The following MAPT variants were observed in gnomAD, a reference collection of about 807,000 sequenced individuals.
The protein encoded by MAPT is microtubule associated protein tau.
MAPT carries 34 observed loss-of-function variants against 67.9 expected under a neutral mutation model. The ratio of observed to expected loss-of-function variants is 0.50; its 90% CI spans 0.38 to 0.67. MAPT has a LOEUF of 0.67. Among genes scored for constraint, MAPT ranks in the 30% least tolerant of loss-of-function variants. MAPT has a pLI of 0.00. For missense variants in MAPT, 881 were observed against 1,115.2 expected (o/e 0.79, Z 2.99); for synonymous variants, 456 against 464.5 (o/e 0.98, Z 0.23).
intron 9 of MAPT, among the ~76,000 whole-genome samples, chr17:46,002,334 C>T (rs950862206): frequency 6.6e-6 from 1 of 151,902 alleles, no homozygotes; most frequent in South Asian, 2.1e-4. Context: ...CTTGGGGGGT[C>T]GCTGGGAAAC....
chr17:46,014,781 G>C (rs2076051732), intron 11 of MAPT, among the ~76,000 whole-genome samples: 1 of 152,020 alleles, frequency 6.6e-6, no homozygotes, highest in Non-Finnish European at 1.5e-5. Context: ...GGCTGAGGCA[G>C]GAAAATGGCG....
intron 1 of MAPT, chr17:45,898,526 T>G (rs932221760): frequency 6.6e-6 from 1 of 152,250 alleles, no homozygotes; most frequent in African/African-American, 2.4e-5. Flanking sequence ...CTTCTGCCTT[T>G]TTAACATCTG....
intron 1 of MAPT, among the ~76,000 whole-genome samples, chr17:45,903,870 A>ATAT (rs2063832974): frequency 4.7e-5 from 2 of 42,146 alleles, no homozygotes; most frequent in African/African-American, 1.7e-4. Flanking sequence ...TATATTATAT[A>ATAT]TTATATATTT....
chr17:46,006,114 T>C (rs2075390525), intron 9 of MAPT, among the ~76,000 whole-genome samples: 1 of 152,186 alleles, frequency 6.6e-6, no homozygotes, highest in Non-Finnish European at 1.5e-5. Context: ...AATTTGAGTA[T>C]CTAAAAATGT....
intron 1 of MAPT, among the ~76,000 whole-genome samples, chr17:45,913,641 G>C (rs1355986209): frequency 1.3e-5 from 2 of 152,218 alleles, no homozygotes; most frequent in Admixed American, 6.5e-5. Context: ...GGAAGATGCT[G>C]GCTCTGGATT....
chr17:46,014,925 G>A (rs2076072463), intron 11 of MAPT, among the ~76,000 whole-genome samples: 1 of 151,558 alleles, frequency 6.6e-6, no homozygotes. Flanking sequence ...TGGGATCCAG[G>A]AGATAGAGAA....
intron 9 of MAPT, among the ~76,000 whole-genome samples, chr17:45,998,658 G>A (rs2074718277): frequency 6.6e-6 from 1 of 152,190 alleles, no homozygotes; most frequent in Non-Finnish European, 1.5e-5. Context: ...CACCACAGTG[G>A]CCTGGTTAGA....
intron 1 of MAPT, among the ~76,000 whole-genome samples, chr17:45,930,337 G>A (rs577778127): frequency 2.6e-5 from 4 of 151,648 alleles, no homozygotes; most frequent in Non-Finnish European, 5.9e-5. Flanking sequence ...AACCTGGGAG[G>A]TAGAGGTTGC....
In MAPT at chr17:46,018,482, C is replaced by T. The variant is rs1345821401; in HGVS notation, c.2174-136C>T. 1.1e-5 allele frequency: 9 copies of T among 782,872 alleles called. No individual in the cohort carries two copies. The Admixed American group carries it at 1.4e-4, about 12-fold the overall frequency. 48.5% of individuals were successfully genotyped at this position (782,872 alleles called of 1,614,324 possible). ...TCTTCTTCCCTCCAGAGCAGTGGCA[C>T]CCAATCTAATTTTTGCTGTGCCCCA... On this transcript the variant is annotated intron_variant, in intron 11 of 12. Transcript: ENST00000262410.
Position 45,951,660 on chromosome 17 carries a change from C to A in MAPT, c.-17-10661C>A, listed in dbSNP as rs535172585. ...GGAGGGTGTGATTCTGAAGAAGGCA[C>A]CAACAGTGACTCAGCTAGCCCCTTC... On this transcript the variant is annotated intron_variant, in intron 1 of 12. Coordinates refer to ENST00000262410, the MANE Select transcript of MAPT (RefSeq NM_001377265.1). 2.6e-5 allele frequency among the ~76,000 whole-genome samples: 4 copies of A among 152,236 alleles called. No homozygotes were observed. In the South Asian group the frequency reaches 8.3e-4, roughly 32 times the overall value.
intron 4 of MAPT, chr17:45,978,934 T>C (rs947092374): frequency 3.9e-5 from 6 of 153,172 alleles, no homozygotes; most frequent in African/African-American, 1.5e-4. Flanking sequence ...ACCCAGGAGG[T>C]GGACGTTGCA....
chr17:45,983,990 G>A (rs2073284355), intron 5 of MAPT, 60 bp downstream of exon 5: 7 of 1,424,396 alleles, frequency 4.9e-6, no homozygotes, highest in East Asian at 2.3e-5. Context: ...CCCAGGCTGC[G>A]GGCACTGCCA....
chr17:46,010,380 A>G lies in MAPT; in HGVS notation c.2069A>G (p.Lys690Arg). ...AAGTGTGGCTCAAAGGATAATATCA[A>G]ACACGTCCCGGGAGGCGGCAGTGTG... is the stretch of plus-strand genomic sequence containing the variant. ...QSKCGSKDNI[K>R]HVPGGGSVQI... Residue 690 changes from lysine to arginine, a missense_variant, in exon 10 of 13, where the codon AAA becomes AGA. Lys to Arg is a conservative substitution (Grantham distance 26). This residue lies in a region of MAPT where 34 missense variants were observed against 51.2 expected (regional missense o/e 0.66). Coordinates refer to ENST00000262410, the MANE Select transcript of MAPT (RefSeq NM_001377265.1). This position sits in a 1 kb window ranked among gnomAD's most constrained non-coding sequence, Gnocchi z 4.7. The G allele has an allele frequency of 6.3e-7, 1 of 1,579,490 alleles. No homozygotes were observed. Among genetic ancestry groups the G allele is most frequent in the Non-Finnish European group, 8.6e-7 (1 of 1,161,520 alleles).
rs147310764 is a variant in MAPT at position 45,965,289 on chromosome 17, G to A, written c.133+2819G>A. 3.5e-3 allele frequency among the ~76,000 whole-genome samples: 525 copies of A among 151,978 alleles called. 2 individuals carry two copies. Among genetic ancestry groups the A allele is most frequent in the African/African-American group, 0.012 (497 of 41,504 alleles). ...TACTAAAAATACAAAAATTAACCAG[G>A]TGTGGTGGTGGGTGCCTGTAGTCCC... On this transcript the variant is annotated intron_variant, in intron 2 of 12. Transcript: ENST00000262410.
At chr17:45,955,194 C>T (rs1435712272) in intron 1 of MAPT, among the ~76,000 whole-genome samples, 1 of 152,176 alleles carries the variant, frequency 6.6e-6, no homozygotes, top group Non-Finnish European at 1.5e-5. Flanking sequence ...AGGGTGTTCC[C>T]TTTGACTGTG....
At chr17:45,928,788 C>A (rs1448845035) in intron 1 of MAPT, among the ~76,000 whole-genome samples, 1 of 152,122 alleles carries the variant, frequency 6.6e-6, no homozygotes, top group Non-Finnish European at 1.5e-5. Context: ...CTCCGCCTCT[C>A]GGGTTCACAC....
chr17:45,996,428 G>A lies in MAPT; in HGVS notation c.1762G>A (p.Gly588Ser), dbSNP rs1400315970. 1.2e-6 allele frequency: 2 copies of A among 1,612,754 alleles called. No individual in the cohort carries two copies. Among genetic ancestry groups the A allele is most frequent in the South Asian group, 1.1e-5 (1 of 91,074 alleles). ...ACCTCCAAAATCAGGGGATCGCAGC[G>A]GCTACAGCAGCCCCGGCTCCCCAGG... Reference protein sequence around the residue: ...GEPPKSGDRSGYSSPGSPGTP... With the variant: ...GEPPKSGDRSSYSSPGSPGTP... The change falls in exon 9 of 13, where the codon GGC becomes AGC. Residue 588 changes from glycine to serine, a missense_variant. Gly to Ser is a moderately conservative substitution (Grantham distance 56, BLOSUM62 0). This residue lies in a region of MAPT where 33 missense variants were observed against 76.0 expected (regional missense o/e 0.43). Transcript: ENST00000262410. This position sits in a 1 kb window ranked among gnomAD's most constrained non-coding sequence, Gnocchi z 4.5.
At chr17:45,990,575 C>T (rs1016719789) in intron 7 of MAPT, 46 of 396,774 alleles carry the variant, frequency 1.2e-4, no homozygotes, top group African/African-American at 6.2e-4. Context: ...CCAGCTTGGG[C>T]GACAGAGCAA....
intron 5 of MAPT, 88 bp from the exon 6 acceptor site, chr17:45,986,952 C>T: frequency 8.5e-7 from 1 of 1,169,946 alleles, no homozygotes; most frequent in South Asian, 1.3e-5. Context: ...ATGGACCTAT[C>T]CCAGAGAAAT....
Sources: gnomAD v4.1 joint callset for allele counts (sites outside exome capture counted in the v4.1 genomes callset) on GRCh38, gnomAD v4.1.1 for gene constraint, gnomAD v4.1.1 regional missense constraint, Gnocchi (gnomAD v3.1) non-coding constraint, MANE v1.5 for transcripts, NCBI Gene and HGNC (gene_info 2026-07-23, HGNC 2026-07-21) for gene names.